The following CACNA1C variants were observed in gnomAD, a reference collection of about 807,000 sequenced individuals.
CACNA1C encodes voltage-dependent L-type calcium channel subunit alpha-1C.
In CACNA1C, 30 loss-of-function variants were observed where a neutral mutation model predicts 229.0. The observed-to-expected ratio is 0.13, with a 90% CI of 0.10 to 0.18. CACNA1C has a LOEUF of 0.18. Among genes scored for constraint, CACNA1C ranks in the 10% least tolerant of loss-of-function variants. CACNA1C has a pLI of 1.00. For synonymous variants in CACNA1C, 1,114 were observed against 1,132.5 expected (o/e 0.98, Z 0.33); for missense variants, 1,658 against 2,845.0 (o/e 0.58, Z 9.49).
chr12:2,470,457 G>A (rs1429946711), intron 5 of CACNA1C, among the ~76,000 whole-genome samples: 2 of 152,204 alleles, frequency 1.3e-5, no homozygotes, highest in Admixed American at 6.5e-5. Flanking sequence ...CCAGCGTCCT[G>A]TGAAGTGATC....
At chr12:2,189,978 T>C (rs990175012) in intron 3 of CACNA1C, among the ~76,000 whole-genome samples, 1 of 152,186 alleles carries the variant, frequency 6.6e-6, no homozygotes, top group African/African-American at 2.4e-5. Flanking sequence ...TACACCTGAG[T>C]GAAGCATCTT....
intron 3 of CACNA1C, among the ~76,000 whole-genome samples, chr12:2,129,737 C>T (rs1333968006): frequency 2.0e-5 from 3 of 152,112 alleles, no homozygotes; most frequent in Non-Finnish European, 4.4e-5. Context: ...GCTAAGCAAC[C>T]CGCACAGGGT....
At chr12:2,672,653 C>A (rs760648547) in intron 38 of CACNA1C, among the ~76,000 whole-genome samples, 1 of 152,178 alleles carries the variant, frequency 6.6e-6, no homozygotes. Flanking sequence ...GTCCTCTCCT[C>A]TTCTTGGAAG....
chr12:1,990,041 A>G (rs1199934858), intron 1 of CACNA1C, among the ~76,000 whole-genome samples: 1 of 152,222 alleles, frequency 6.6e-6, no homozygotes, highest in African/African-American at 2.4e-5. Context: ...GCTCAAATGC[A>G]TTATTTACTG....
intron 3 of CACNA1C, among the ~76,000 whole-genome samples, chr12:2,338,700 G>T (rs184758644): frequency 1.1e-3 from 164 of 152,292 alleles, no homozygotes; most frequent in African/African-American, 3.0e-3. Context: ...CGGTATGCCT[G>T]TGCATCCAGG....
chr12:2,423,453 T>C (rs1449037425), intron 3 of CACNA1C, among the ~76,000 whole-genome samples: 1 of 152,192 alleles, frequency 6.6e-6, no homozygotes, highest in African/African-American at 2.4e-5. Context: ...CTCAGTACCT[T>C]CATCGGTAGG....
intron 42 of CACNA1C, among the ~76,000 whole-genome samples, chr12:2,681,453 C>T (rs1240946375): frequency 6.6e-6 from 1 of 152,168 alleles, no homozygotes; most frequent in African/African-American, 2.4e-5. Flanking sequence ...CTCCCTTGTC[C>T]CCGTGTCACA....
At chr12:2,538,811 T>C (rs1009242371) in intron 9 of CACNA1C, among the ~76,000 whole-genome samples, 3 of 152,248 alleles carry the variant, frequency 2.0e-5, no homozygotes, top group Non-Finnish European at 4.4e-5. Context: ...TTCCAAGTTA[T>C]TGTTTTCTGA....
chr12:2,659,799 A>AT (rs113158981), intron 34 of CACNA1C: 2 of 151,592 alleles, frequency 1.3e-5, no homozygotes, highest in African/African-American at 4.8e-5. Flanking sequence ...ATCAAATCCA[A>AT]TTTTTTTAAA....
chr12:2,368,971 A>C (rs2097785404), intron 3 of CACNA1C, among the ~76,000 whole-genome samples: 1 of 152,242 alleles, frequency 6.6e-6, no homozygotes, highest in Non-Finnish European at 1.5e-5. Context: ...TGTGAAACAA[A>C]CAACCAGGAA....
intron 3 of CACNA1C, among the ~76,000 whole-genome samples, chr12:2,233,015 A>C (rs938915631): frequency 6.6e-6 from 1 of 152,168 alleles, no homozygotes; most frequent in African/African-American, 2.4e-5. Context: ...CCTAGAATCA[A>C]CTGTTACTCC....
chr12:2,028,256 G>T (rs1326158409), intron 1 of CACNA1C, among the ~76,000 whole-genome samples: 1 of 152,166 alleles, frequency 6.6e-6, no homozygotes, highest in East Asian at 1.9e-4. Context: ...CATGGAGAGC[G>T]GGTCTGCATC....
At chr12:2,311,507 C>T (rs1305182667) in intron 3 of CACNA1C, among the ~76,000 whole-genome samples, 1 of 152,174 alleles carries the variant, frequency 6.6e-6, no homozygotes, top group Non-Finnish European at 1.5e-5. Flanking sequence ...CCAAGCTGAC[C>T]CATTTCCACA....
chr12:2,614,286 C>T (rs1452079801), intron 29 of CACNA1C: 2 of 152,192 alleles, frequency 1.3e-5, no homozygotes, highest in Non-Finnish European at 2.9e-5. Context: ...CCATCCTGGG[C>T]CCATTTGCAT....
intron 3 of CACNA1C, among the ~76,000 whole-genome samples, chr12:2,320,068 C>T (rs1237474934): frequency 2.6e-5 from 4 of 152,186 alleles, no homozygotes; most frequent in Non-Finnish European, 5.9e-5. Flanking sequence ...TCCCTGGCCT[C>T]TTCTCCAGCC....
chr12:2,150,915 G>A (rs2095192597), intron 3 of CACNA1C, among the ~76,000 whole-genome samples: 1 of 152,178 alleles, frequency 6.6e-6, no homozygotes, highest in Admixed American at 6.5e-5. Flanking sequence ...AAAAATGGTG[G>A]TCAACGCCAC....
At chr12:2,184,592 A>C (rs2096939191) in intron 3 of CACNA1C, among the ~76,000 whole-genome samples, 1 of 152,184 alleles carries the variant, frequency 6.6e-6, no homozygotes, top group Non-Finnish European at 1.5e-5. Context: ...GTGCTTAAGT[A>C]TCTTTCTACA....
intron 34 of CACNA1C, among the ~76,000 whole-genome samples, chr12:2,663,750 T>C (rs1036138411): frequency 6.8e-6 from 1 of 146,606 alleles, no homozygotes; most frequent in African/African-American, 2.6e-5. Context: ...TTTTTTTTTT[T>C]TTTTTTTTTG....
intron 4 of CACNA1C, among the ~76,000 whole-genome samples, chr12:2,452,472 C>G (rs1037645473): frequency 6.6e-6 from 1 of 152,164 alleles, no homozygotes; most frequent in South Asian, 2.1e-4. Flanking sequence ...CATTCCACAG[C>G]CTCACGGTCC....
Sources: gnomAD v4.1 joint callset for allele counts (sites outside exome capture counted in the v4.1 genomes callset) on GRCh38, gnomAD v4.1.1 for gene constraint, MANE v1.5 for transcripts, NCBI Gene and HGNC (gene_info 2026-07-23, HGNC 2026-07-21) for gene names.